GALNT1: variants seen among roughly 807,000 people sequenced by gnomAD.
GALNT1 encodes GalNAc transferase 1.
GALNT1 carries 17 observed loss-of-function variants against 65.7 expected under a neutral mutation model. The ratio of observed to expected loss-of-function variants is 0.26; its 90% CI spans 0.18 to 0.39. The LOEUF (loss-of-function observed/expected upper bound fraction) is 0.39, where lower values mean the gene tolerates loss of function less well. Ranked by LOEUF, GALNT1 falls within the 10% of genes least tolerant of loss-of-function variation. GALNT1 has a pLI of 1.00. For missense variants in GALNT1, 460 were observed against 672.8 expected, an observed-to-expected ratio of 0.68 and a Z score of 3.50; for synonymous variants, 210 against 219.7, an observed-to-expected ratio of 0.96 and a Z score of 0.39.
chr18:35,629,025 TAAAA>T (rs1325023446), intron 1 of GALNT1, among the ~76,000 whole-genome samples: 1 of 152,058 alleles, frequency 6.6e-6, no homozygotes, highest in African/African-American at 2.4e-5. Flanking sequence ...GAAAAAAGAA[TAAAA>T]AGAAATGAAC....
chr18:35,588,982 G>A (rs2046411725), intron 1 of GALNT1, among the ~76,000 whole-genome samples: 1 of 151,898 alleles, frequency 6.6e-6, no homozygotes, highest in Admixed American at 6.6e-5. Context: ...TGAAAACCTG[G>A]GTGTTTTTAT....
At chr18:35,638,583 C>T (rs1358900289) in intron 1 of GALNT1, among the ~76,000 whole-genome samples, 15 of 152,102 alleles carry the variant, frequency 9.9e-5, no homozygotes. Context: ...CTAACCTAAG[C>T]GTTCAGGCAC....
chr18:35,631,717 C>T (rs988914067), intron 1 of GALNT1, among the ~76,000 whole-genome samples: 5 of 152,064 alleles, frequency 3.3e-5, no homozygotes, highest in African/African-American at 1.2e-4. Context: ...GGCAATCAGG[C>T]AGGAGAAAGA....
intron 1 of GALNT1, among the ~76,000 whole-genome samples, chr18:35,647,291 C>T (rs896017955): frequency 6.6e-6 from 1 of 152,164 alleles, no homozygotes; most frequent in Non-Finnish European, 1.5e-5. Context: ...TGGAATTTCA[C>T]ATTTATATGA....
intron 1 of GALNT1, among the ~76,000 whole-genome samples, chr18:35,613,396 T>C (rs1598784114): frequency 6.6e-6 from 1 of 152,308 alleles, no homozygotes; most frequent in South Asian, 2.1e-4. Context: ...ATGTTAAAAA[T>C]ACTGGACTTA....
chr18:35,708,076 G>A (rs532780345), intron 11 of GALNT1, among the ~76,000 whole-genome samples: 9 of 152,152 alleles, frequency 5.9e-5, no homozygotes, highest in East Asian at 1.9e-4. Flanking sequence ...ATAAAAACCC[G>A]GTGAGGTATT....
At chr18:35,592,316 A>G (rs962138365) in intron 1 of GALNT1, among the ~76,000 whole-genome samples, 6 of 152,244 alleles carry the variant, frequency 3.9e-5, no homozygotes, top group Non-Finnish European at 8.8e-5. Context: ...AGATAAAAAT[A>G]GAAACAATTA....
chr18:35,690,284 TG>T (rs1214757653), intron 7 of GALNT1, among the ~76,000 whole-genome samples: 1 of 152,122 alleles, frequency 6.6e-6, no homozygotes, highest in Non-Finnish European at 1.5e-5. Flanking sequence ...GAACTTACAA[TG>T]GATCTAGTTG....
rs1221518159 is a variant in GALNT1, at chr18:35,643,677, A to T, written c.-103-10883A>T. On this transcript the variant is annotated intron_variant, in intron 1 of 11. Transcript: ENST00000269195. ...CGGGAGGCTGATGGCAGGCACCTGTAGTCCCAGCTACTCGGGAGGCTGAGG... is the reference window on the plus strand; with the variant it reads ...CGGGAGGCTGATGGCAGGCACCTGTTGTCCCAGCTACTCGGGAGGCTGAGG... Among the ~76,000 whole-genome samples the T allele has an allele frequency of 7.0e-4, 106 of 151,842 alleles. 1 individual carries two copies. The highest frequency in any genetic ancestry group is 1.3e-4 in the Non-Finnish European group (9 of 67,976).
intron 1 of GALNT1, among the ~76,000 whole-genome samples, chr18:35,654,099 C>T (rs2047346000): frequency 6.6e-6 from 1 of 152,168 alleles, no homozygotes; most frequent in Admixed American, 6.5e-5. Context: ...GCCTAACCCC[C>T]TATGGTAATT....
intron 1 of GALNT1, among the ~76,000 whole-genome samples, chr18:35,613,607 T>TG (rs2046746349): frequency 6.6e-6 from 1 of 152,086 alleles, no homozygotes; most frequent in African/African-American, 2.4e-5. Context: ...TACCAGACGG[T>TG]GTCTAGGGAT....
intron 5 of GALNT1, among the ~76,000 whole-genome samples, chr18:35,685,366 T>C (rs553993367): frequency 1.4e-4 from 21 of 152,254 alleles, no homozygotes; most frequent in Admixed American, 1.1e-3. Flanking sequence ...TAAACACCTC[T>C]GATCACTCCC....
At chr18:35,632,003 G>A (rs1568019702) in intron 1 of GALNT1, among the ~76,000 whole-genome samples, 1 of 152,132 alleles carries the variant, frequency 6.6e-6, no homozygotes, top group African/African-American at 2.4e-5. Flanking sequence ...GGATGTGAAG[G>A]ACCTCTTCAA....
At chr18:35,651,176 A>C (rs1313997427) in intron 1 of GALNT1, among the ~76,000 whole-genome samples, 1 of 152,132 alleles carries the variant, frequency 6.6e-6, no homozygotes, top group Non-Finnish European at 1.5e-5. Context: ...CTCTGGGGCA[A>C]ATGTGAAATT....
At chr18:35,642,272 A>G (rs988833364) in intron 1 of GALNT1, among the ~76,000 whole-genome samples, 8 of 152,268 alleles carry the variant, frequency 5.3e-5, no homozygotes, top group African/African-American at 1.9e-4. Context: ...CCAGCGGAAT[A>G]CTATTCAGTA....
intron 1 of GALNT1, among the ~76,000 whole-genome samples, chr18:35,638,390 A>G (rs950662817): frequency 2.6e-5 from 4 of 152,084 alleles, no homozygotes; most frequent in African/African-American, 7.2e-5. Context: ...GCATTTATTT[A>G]TACAGATTTA....
At chr18:35,629,128 G>A (rs1179519267) in intron 1 of GALNT1, among the ~76,000 whole-genome samples, 1 of 152,168 alleles carries the variant, frequency 6.6e-6, no homozygotes, top group Non-Finnish European at 1.5e-5. Context: ...ATGGAACCAA[G>A]TTGGAAAACA....
intron 9 of GALNT1, among the ~76,000 whole-genome samples, chr18:35,692,657 A>T (rs1034477632): frequency 2.8e-4 from 41 of 145,708 alleles, no homozygotes; most frequent in Admixed American, 1.5e-3. Context: ...TATATATATT[A>T]AAAAAAAAAA....
At chr18:35,600,084 C>G (rs994950239) in intron 1 of GALNT1, among the ~76,000 whole-genome samples, 2 of 152,058 alleles carry the variant, frequency 1.3e-5, no homozygotes, top group Non-Finnish European at 1.5e-5. Context: ...GATAGGGATG[C>G]CCTGAATCTG....
Sources: gnomAD v4.1 joint callset for allele counts (sites outside exome capture counted in the v4.1 genomes callset) on GRCh38, gnomAD v4.1.1 for gene constraint, MANE v1.5 for transcripts, NCBI Gene and HGNC (gene_info 2026-07-23, HGNC 2026-07-21) for gene names.